FGR: variants seen among roughly 807,000 people sequenced by gnomAD.
FGR encodes the protein tyrosine-protein kinase Fgr.
FGR carries 26 observed loss-of-function variants against 63.2 expected under a neutral mutation model. The observed-to-expected ratio is 0.41, with a 90% CI of 0.30 to 0.57. The LOEUF (loss-of-function observed/expected upper bound fraction) is 0.57. Among genes scored for constraint, FGR ranks in the 20% least tolerant of loss-of-function variants. The probability of loss-of-function intolerance (pLI) is 0.27; values close to 1 mark genes in which losing one functional copy is unlikely to be tolerated. For missense variants in FGR, 511 were observed against 690.8 expected (o/e 0.74, Z 2.92); for synonymous variants, 286 against 277.7 (o/e 1.03, Z -0.30).
rs943250043 is a variant in FGR, at chr1:27,629,802, G to A, written c.-76-4651C>T. Among the ~76,000 whole-genome samples the A allele has an allele frequency of 3.9e-5, 6 of 152,214 alleles. 1 individual carries two copies. Among genetic ancestry groups the A allele is most frequent in the African/African-American group, 1.4e-4 (6 of 41,460 alleles). Reference sequence around the variant, plus strand: ...GGTTTATGACTACCCTTATTTTACAGATGAAGAAACTGAGGCACAGAGATG... The same window carrying A: ...GGTTTATGACTACCCTTATTTTACAAATGAAGAAACTGAGGCACAGAGATG... On this transcript the variant is annotated intron_variant, in intron 1 of 12. Transcript: ENST00000374005.
chr1:27,631,099 C>T (rs2090098712), intron 1 of FGR, among the ~76,000 whole-genome samples: 1 of 152,180 alleles, frequency 6.6e-6, no homozygotes, highest in Non-Finnish European at 1.5e-5. Flanking sequence ...TTCTCTTTTG[C>T]ATAGGGGGAA....
intron 11 of FGR, among the ~76,000 whole-genome samples, chr1:27,613,862 G>A (rs553345194): frequency 2.6e-5 from 4 of 152,128 alleles, no homozygotes; most frequent in African/African-American, 7.2e-5. Flanking sequence ...TCCAAAAATC[G>A]CAATAATTCT....
At position 27,623,074 on chromosome 1, in the gene FGR, G is replaced by T. The variant is rs775106205; in HGVS notation, c.297C>A (p.Thr99=). 2 of 1,614,070 alleles carry T rather than the reference G, an allele frequency of 1.2e-6. No individual in the cohort carries two copies. Among genetic ancestry groups the T allele is most frequent in the South Asian group, 2.2e-5 (2 of 91,086 alleles). The change falls in exon 4 of 13, where the codon ACC becomes ACA. Residue 99 remains threonine, a synonymous_variant. Coordinates refer to ENST00000374005, the MANE Select transcript of FGR (RefSeq NM_005248.3). ...EARTEDDLTF[T]KGEKFHILNN... is the part of the protein sequence containing the mutation. ...TCAGGATGTGGAACTTCTCGCCCTT[G>T]GTGAAGGTGAGGTCATCCTCAGTTC...
At position 27,616,766 on chromosome 1, in the gene FGR, T is replaced by G; in HGVS notation, c.682+91A>C. On this transcript the variant is annotated intron_variant, in intron 7 of 12. Coordinates refer to ENST00000374005, the MANE Select transcript of FGR (RefSeq NM_005248.3). The surrounding 1 kb of genome is among the most constrained non-coding windows in gnomAD (Gnocchi z 4.3). Reference sequence around the variant, plus strand: ...TGGTTTCCGTCTGGCCAATACTGCTTGGTAGTCCCTTCCCTTCTCTGGGCC... The same window carrying G: ...TGGTTTCCGTCTGGCCAATACTGCTGGGTAGTCCCTTCCCTTCTCTGGGCC... 3 of 1,419,108 alleles carry G rather than the reference T, an allele frequency of 2.1e-6. No homozygotes were observed. Among genetic ancestry groups the G allele is most frequent in the Non-Finnish European group, 3.0e-6 (3 of 1,011,746 alleles). 87.9% of individuals were successfully genotyped at this position (1,419,108 alleles called of 1,614,324 possible). A position where few individuals can be genotyped will look rare whatever the true frequency, so the allele number is the denominator to read the frequency against.
chr1:27,631,801 G>A (rs2090109306), intron 1 of FGR, among the ~76,000 whole-genome samples: 1 of 152,086 alleles, frequency 6.6e-6, no homozygotes. Context: ...TGGCCCAGCC[G>A]CCTGGGGGAT....
rs979779856 is a variant in FGR, at chr1:27,623,621, G to T, written c.226+70C>A. 7 of 1,513,026 alleles carry T rather than the reference G, an allele frequency of 4.6e-6. No homozygotes were observed. In the Admixed American group the frequency reaches 5.3e-5, roughly 12 times the overall value. 93.7% of individuals were successfully genotyped at this position (1,513,026 alleles called of 1,614,324 possible). On this transcript the variant is annotated intron_variant, in intron 3 of 12. Coordinates refer to ENST00000374005, the MANE Select transcript of FGR (RefSeq NM_005248.3). The stretch of plus-strand genomic sequence containing the variant: ...CCTGGAGGCTCCTAAGGGCAAGTTC[G>T]CATCTCTTCTTCTTCCCTCAGTTTC...
At chr1:27,621,339 C>T (rs1468242229) in intron 5 of FGR, among the ~76,000 whole-genome samples, 1 of 152,220 alleles carries the variant, frequency 6.6e-6, no homozygotes, top group Admixed American at 6.5e-5. Context: ...CGTTAATACA[C>T]AGACAGTACT....
chr1:27,630,702 G>T (rs1268733899), intron 1 of FGR, among the ~76,000 whole-genome samples: 2 of 152,082 alleles, frequency 1.3e-5, no homozygotes, highest in Non-Finnish European at 2.9e-5. Flanking sequence ...CAGAAAGGGG[G>T]CAGCTCAGAG....
chr1:27,623,130 G>A lies in FGR; in HGVS notation c.241C>T (p.Leu81=). 1.2e-6 allele frequency: 2 copies of A among 1,613,912 alleles called. No homozygotes were observed. Among genetic ancestry groups the A allele is most frequent in the Non-Finnish European group, 1.7e-6 (2 of 1,179,780 alleles). The part of the protein sequence containing the change: ...IRGVSGIGVT[L]FIALYDYEAR... The stretch of plus-strand genomic sequence containing the variant: ...TCATAGTCATACAGGGCAATGAACA[G>A]GGTCACCCCAATCCCTGCAGAGTCA... The change falls in exon 4 of 13, where the codon CTG becomes TTG. Residue 81 remains leucine (L), a synonymous_variant. Coordinates refer to ENST00000374005, the MANE Select transcript of FGR (RefSeq NM_005248.3).
rs1181923972 is a variant in FGR, at chr1:27,615,929, C to G, written c.683-85G>C. ...TATCCTATCCCAGCCTGGTGCCAGA[C>G]CCTAAGATCAGTTATAAGGAACTAG... On this transcript the variant is annotated intron_variant, in intron 7 of 12. Coordinates refer to ENST00000374005, the MANE Select transcript of FGR (RefSeq NM_005248.3). The surrounding 1 kb of genome is among the most constrained non-coding windows in gnomAD (Gnocchi z 7.6). 1 of 1,410,232 alleles carries G rather than the reference C, an allele frequency of 7.1e-7. No individual in the cohort carries two copies. The highest frequency in any genetic ancestry group is 9.5e-7 in the Non-Finnish European group (1 of 1,054,432). The allele number at this position is 1,410,232 out of a possible 1,614,324, so 87.4% of individuals were successfully genotyped here. A position where few individuals can be genotyped will look rare whatever the true frequency, so the allele number is the denominator to read the frequency against.
Position 27,614,853 on chromosome 1 carries a change from G to A in FGR, c.1092C>T (p.Ala364=), listed in dbSNP as rs1377186447. 6 of 1,588,196 alleles carry A rather than the reference G, an allele frequency of 3.8e-6. No homozygotes were observed. The Admixed American group carries it at 1.0e-4, about 28-fold the overall frequency. The change falls in exon 10 of 13, where the codon GCC becomes GCT. Residue 364 remains alanine (A), a synonymous_variant. Coordinates refer to ENST00000374005, the MANE Select transcript of FGR (RefSeq NM_005248.3). ...LRLPQLVDMA[A]QVAEGMAYME... ...TAAAGGCTGCTGGCCCAGTTACCTG[G>A]GCTGCCATGTCCACCAATTGGGGCA...
chr1:27,615,675 C>T lies in FGR; in HGVS notation c.838+14G>A. ...GAGCCCAGGCCCTCGTCCCGGCCCC[C>T]GGGAGCTCCGTACCCAGCCACACAT... On this transcript the variant is annotated intron_variant, in intron 8 of 12. Transcript: ENST00000374005. The surrounding 1 kb of genome is among the most constrained non-coding windows in gnomAD (Gnocchi z 7.6). The T allele has an allele frequency of 1.9e-6, 3 of 1,593,422 alleles. No individual in the cohort carries two copies. The highest frequency in any genetic ancestry group is 2.2e-5 in the South Asian group (2 of 90,000).
At chr1:27,621,867 A>G (rs1023731896) in intron 4 of FGR, among the ~76,000 whole-genome samples, 10 of 152,178 alleles carry the variant, frequency 6.6e-5, no homozygotes, top group South Asian at 2.1e-4. Flanking sequence ...GCTCGGGGGC[A>G]CTTAGGGCTC....
At chr1:27,634,879 C>G (rs957024508) in intron 1 of FGR, among the ~76,000 whole-genome samples, 186 bp downstream of exon 1, 2 of 152,194 alleles carry the variant, frequency 1.3e-5, no homozygotes, top group Non-Finnish European at 2.9e-5. Context: ...CCTTGCTTTT[C>G]AGGTCGCCCG....
At chr1:27,614,352 G>C (rs953194985) in intron 11 of FGR, 78 bp downstream of exon 11, 3 of 1,485,588 alleles carry the variant, frequency 2.0e-6, no homozygotes, top group African/African-American at 1.4e-5. Context: ...AGTGAGGAAG[G>C]GTTCCTGAGT....
intron 1 of FGR, among the ~76,000 whole-genome samples, chr1:27,627,368 A>G (rs1439841707): frequency 6.6e-6 from 1 of 151,778 alleles, no homozygotes; most frequent in East Asian, 1.9e-4. Context: ...CCTAGCACAA[A>G]CATCTTCTAG....
chr1:27,621,542 C>A lies in FGR; in HGVS notation c.428+17G>T, dbSNP rs752356385. 7 of 1,598,098 alleles carry A rather than the reference C, an allele frequency of 4.4e-6. No individual in the cohort carries two copies. The highest frequency in any genetic ancestry group is 1.3e-5 in the African/African-American group (1 of 74,524). On this transcript the variant is annotated intron_variant, in intron 5 of 12. Coordinates refer to ENST00000374005, the MANE Select transcript of FGR (RefSeq NM_005248.3). ...GGTCCTGTCCATAGGGCTGGTCTTG[C>A]CCCAATCCCTACTTACTCTTCAGCT... is the stretch of plus-strand genomic sequence containing the variant.
In FGR at chr1:27,628,623, C is replaced by T. The variant is rs554711618; in HGVS notation, c.-76-3472G>A. 7.2e-5 allele frequency among the ~76,000 whole-genome samples: 11 copies of T among 151,916 alleles called. No individual in the cohort carries two copies. The South Asian group carries it at 2.1e-3, about 29-fold the overall frequency. ...GCTCTCCTCTATAGGAGAACATAGACTTATACAATCTCTCATGTTCACACA... is the reference window on the plus strand; with the variant it reads ...GCTCTCCTCTATAGGAGAACATAGATTTATACAATCTCTCATGTTCACACA... On this transcript the variant is annotated intron_variant, in intron 1 of 12. Coordinates refer to ENST00000374005, the MANE Select transcript of FGR (RefSeq NM_005248.3).
chr1:27,627,274 C>T (rs2090036222), intron 1 of FGR, among the ~76,000 whole-genome samples: 1 of 152,122 alleles, frequency 6.6e-6, no homozygotes, highest in South Asian at 2.1e-4. Flanking sequence ...ATACCCAGAT[C>T]CACACAGCCC....
Sources: gnomAD v4.1 joint callset for allele counts (sites outside exome capture counted in the v4.1 genomes callset) on GRCh38, gnomAD v4.1.1 for gene constraint, Gnocchi (gnomAD v3.1) non-coding constraint, MANE v1.5 for transcripts, NCBI Gene and HGNC (gene_info 2026-07-23, HGNC 2026-07-21) for gene names.